FBXL7: variants seen among roughly 807,000 people sequenced by gnomAD.
FBXL7 encodes the protein F-box and leucine rich repeat protein 7.
In FBXL7, 12 loss-of-function variants were observed where a neutral mutation model predicts 38.3. The ratio of observed to expected loss-of-function variants is 0.31; its 90% confidence interval spans 0.20 to 0.51. The LOEUF (loss-of-function observed/expected upper bound fraction) is 0.51, where lower values mean the gene tolerates loss of function less well. FBXL7 is among the 20% of genes least tolerant of loss of function. The probability of loss-of-function intolerance (pLI) is 0.98; values close to 1 mark genes in which losing one functional copy is unlikely to be tolerated. For synonymous variants in FBXL7, 297 were observed against 300.9 expected (o/e 0.99, Z 0.13); for missense variants, 567 against 676.4 (o/e 0.84, Z 1.79).
At chr5:15,758,920 AAC>A (rs3034798) in intron 2 of FBXL7, among the ~76,000 whole-genome samples, 77,540 of 151,936 alleles carry the variant, frequency 0.51, 20,316 homozygotes, top group East Asian at 0.67. Context: ...TGATTTAGAA[AAC>A]ACATGACAAG....
intron 2 of FBXL7, among the ~76,000 whole-genome samples, chr5:15,676,426 A>G (rs1742656768): frequency 6.6e-6 from 1 of 152,206 alleles, no homozygotes; most frequent in South Asian, 2.1e-4. Context: ...TGGACTTTGT[A>G]ATTTGAGAAG....
chr5:15,744,657 A>C (rs1196326544), intron 2 of FBXL7, among the ~76,000 whole-genome samples: 2 of 152,164 alleles, frequency 1.3e-5, no homozygotes, highest in Non-Finnish European at 2.9e-5. Context: ...ATTTTTGGGT[A>C]TCTTTATAGC....
intron 2 of FBXL7, among the ~76,000 whole-genome samples, chr5:15,654,256 G>T (rs930065779): frequency 1.3e-5 from 2 of 152,148 alleles, no homozygotes; most frequent in Non-Finnish European, 2.9e-5. Context: ...GTTGGCAACT[G>T]ATGGAATAGC....
At chr5:15,665,139 T>A (rs1742227587) in intron 2 of FBXL7, among the ~76,000 whole-genome samples, 1 of 152,188 alleles carries the variant, frequency 6.6e-6, no homozygotes, top group South Asian at 2.1e-4. Flanking sequence ...AAATGGGTGA[T>A]GATTCATGCT....
At chr5:15,822,881 C>T (rs1738209449) in intron 2 of FBXL7, among the ~76,000 whole-genome samples, 1 of 152,094 alleles carries the variant, frequency 6.6e-6, no homozygotes, top group Non-Finnish European at 1.5e-5. Context: ...CTCTGGGTCT[C>T]ACCACCAGGT....
intron 2 of FBXL7, among the ~76,000 whole-genome samples, chr5:15,797,644 T>C (rs1737451908): frequency 6.6e-6 from 1 of 152,140 alleles, no homozygotes; most frequent in Admixed American, 6.5e-5. Flanking sequence ...GCATTGAAAA[T>C]AGGTTTGTGG....
At chr5:15,615,762 CTATAT>C (rs1740425832) in intron 1 of FBXL7, among the ~76,000 whole-genome samples, 1 of 152,120 alleles carries the variant, frequency 6.6e-6, no homozygotes, top group Admixed American at 6.6e-5. Flanking sequence ...TATAGTCAAG[CTATAT>C]TATAAGAAGA....
intron 2 of FBXL7, among the ~76,000 whole-genome samples, chr5:15,734,228 C>G (rs940283957): frequency 6.6e-6 from 1 of 152,226 alleles, no homozygotes; most frequent in African/African-American, 2.4e-5. Flanking sequence ...CTGCACAGGC[C>G]TCTTCCTCAT....
At chr5:15,772,159 A>G (rs573922248) in intron 2 of FBXL7, among the ~76,000 whole-genome samples, 5 of 152,294 alleles carry the variant, frequency 3.3e-5, no homozygotes, top group South Asian at 2.1e-4. Context: ...CAGGAATATT[A>G]TAAGTACACA....
At chr5:15,606,581 C>G (rs1345178323) in intron 1 of FBXL7, among the ~76,000 whole-genome samples, 2 of 152,194 alleles carry the variant, frequency 1.3e-5, no homozygotes, top group African/African-American at 4.8e-5. Flanking sequence ...AAAGAAAGTA[C>G]TCGTTAGAAC....
intron 1 of FBXL7, among the ~76,000 whole-genome samples, chr5:15,542,599 T>G (rs1580360622): frequency 6.6e-6 from 1 of 152,344 alleles, no homozygotes; most frequent in Admixed American, 6.5e-5. Flanking sequence ...TGGCACAATT[T>G]CAACATGTGG....
At chr5:15,581,992 C>A (rs891505998) in intron 1 of FBXL7, among the ~76,000 whole-genome samples, 2 of 152,126 alleles carry the variant, frequency 1.3e-5, no homozygotes, top group Admixed American at 1.3e-4. Context: ...GGCTGGAGTG[C>A]AGTGGCATGA....
chr5:15,695,609 C>T (rs760909243), intron 2 of FBXL7, among the ~76,000 whole-genome samples: 1 of 152,190 alleles, frequency 6.6e-6, no homozygotes, highest in Non-Finnish European at 1.5e-5. Context: ...TTAGTCACAA[C>T]AGCCGTGATC....
At chr5:15,628,055 T>C (rs1193114688) in intron 2 of FBXL7, among the ~76,000 whole-genome samples, 4 of 152,158 alleles carry the variant, frequency 2.6e-5, no homozygotes, top group Non-Finnish European at 5.9e-5. Flanking sequence ...GTGTAAATCA[T>C]TTAGAGATGG....
At chr5:15,820,633 A>G (rs543852074) in intron 2 of FBXL7, among the ~76,000 whole-genome samples, 4 of 152,078 alleles carry the variant, frequency 2.6e-5, no homozygotes, top group South Asian at 2.1e-4. Context: ...AGTCTTATGT[A>G]TGCTTTTCTT....
At chr5:15,733,953 A>G (rs936694674) in intron 2 of FBXL7, among the ~76,000 whole-genome samples, 4 of 152,126 alleles carry the variant, frequency 2.6e-5, no homozygotes, top group African/African-American at 9.7e-5. Flanking sequence ...CTAAAAATAC[A>G]AAAATTACCT....
At chr5:15,734,914 C>T (rs758820550) in intron 2 of FBXL7, among the ~76,000 whole-genome samples, 7 of 152,074 alleles carry the variant, frequency 4.6e-5, no homozygotes, top group Non-Finnish European at 8.8e-5. Flanking sequence ...TATTAGACAA[C>T]ATGGAGGCTC....
chr5:15,808,333 G>A (rs1579481041), intron 2 of FBXL7, among the ~76,000 whole-genome samples: 1 of 151,500 alleles, frequency 6.6e-6, no homozygotes, highest in East Asian at 1.9e-4. Context: ...GAGTAAGAAG[G>A]GCTTCTGAAA....
intron 1 of FBXL7, among the ~76,000 whole-genome samples, chr5:15,524,195 G>A (rs770720460): frequency 5.9e-5 from 9 of 152,098 alleles, no homozygotes; most frequent in Non-Finnish European, 1.0e-4. Context: ...GATACCACAG[G>A]GCTGTGACTC....
Sources: allele counts gnomAD v4.1 joint callset (sites outside exome capture counted in the v4.1 genomes callset), GRCh38; gene constraint gnomAD v4.1.1; transcripts MANE v1.5; gene names NCBI Gene and HGNC (gene_info 2026-07-23, HGNC 2026-07-21).